Variants in HBP1 observed in about 807,000 individuals in gnomAD.
HBP1 encodes HMG-box transcription factor 1.
Under a neutral mutation model 62.6 loss-of-function variants are expected in HBP1, and 20 were observed. The observed-to-expected ratio is 0.32, with a 90% confidence interval of 0.22 to 0.46. The LOEUF is 0.46. Among genes scored for constraint, HBP1 ranks in the 20% least tolerant of loss-of-function variants. The pLI is 1.00. For synonymous variants in HBP1, 232 were observed against 206.2 expected, an observed-to-expected ratio of 1.12 and a Z score of -1.07; for missense variants, 480 against 611.8, an observed-to-expected ratio of 0.78 and a Z score of 2.27.
rs1584466951 is a variant in HBP1 at position 107,169,748 on chromosome 7, T to G, written c.-16+563T>G. 8.1e-6 allele frequency: 8 copies of G among 982,406 alleles called. No individual in the cohort carries two copies. The South Asian group carries it at 1.4e-4, about 17-fold the overall frequency. 60.9% of individuals were successfully genotyped at this position (982,406 alleles called of 1,614,324 possible). ...TCGAATGAATGGGCTCCCAGGCGCC[T>G]GCGCGCTGGGGCTGAGCCGAGGGGA... On this transcript the variant is annotated intron_variant, in intron 1 of 10. Coordinates refer to ENST00000222574, the MANE Select transcript of HBP1 (RefSeq NM_012257.4).
chr7:107,194,703 A>C (rs186062170), intron 8 of HBP1, among the ~76,000 whole-genome samples: 125 of 152,276 alleles, frequency 8.2e-4, no homozygotes, highest in East Asian at 1.4e-3. Context: ...ATTTTGATGT[A>C]TTACCGGAAT....
intron 9 of HBP1, among the ~76,000 whole-genome samples, chr7:107,198,212 C>CTTT (rs549300447): frequency 6.9e-6 from 1 of 144,706 alleles, no homozygotes; most frequent in African/African-American, 2.5e-5. Context: ...GCTCAAAAAT[C>CTTT]TTTTTTTTTT....
intron 10 of HBP1, 159 bp from the exon 11 acceptor site, chr7:107,201,255 T>G: frequency 4.2e-6 from 2 of 475,462 alleles, no homozygotes; most frequent in Non-Finnish European, 7.7e-6. Context: ...TCTGGATGCT[T>G]GAGCCATCAG....
At chr7:107,169,323 C>T (rs998105395) in intron 1 of HBP1, 138 bp downstream of exon 1, 4 of 320,012 alleles carry the variant, frequency 1.2e-5, no homozygotes, top group African/African-American at 9.1e-5. Context: ...GGCAGTTAAC[C>T]GTTCGATTGG....
intron 1 of HBP1, chr7:107,170,104 G>A: frequency 1.0e-6 from 1 of 985,330 alleles, no homozygotes; most frequent in Non-Finnish European, 1.2e-6. Context: ...AGCTACAGTC[G>A]TTTTTAGAAG....
chr7:107,170,035 T>C (rs1261275022), intron 1 of HBP1: 2 of 985,352 alleles, frequency 2.0e-6, no homozygotes, highest in Non-Finnish European at 2.4e-6. Context: ...GCGTGCTGTC[T>C]AGGGTGTTTC....
chr7:107,198,212 C>CTTTT (rs549300447), intron 9 of HBP1, among the ~76,000 whole-genome samples: 2 of 144,706 alleles, frequency 1.4e-5, no homozygotes, highest in African/African-American at 2.5e-5. Flanking sequence ...GCTCAAAAAT[C>CTTTT]TTTTTTTTTT....
chr7:107,192,105 C>T (rs529230133), intron 8 of HBP1, among the ~76,000 whole-genome samples: 90 of 152,078 alleles, frequency 5.9e-4, no homozygotes, highest in African/African-American at 1.9e-3. Context: ...GCTTGTTAGG[C>T]GCACTTGGCA....
intron 1 of HBP1, among the ~76,000 whole-genome samples, chr7:107,175,430 G>A (rs1036123154): frequency 1.3e-5 from 2 of 152,136 alleles, no homozygotes; most frequent in African/African-American, 4.8e-5. Context: ...CTAGTAAGTG[G>A]CAAATCTGGT....
chr7:107,180,821 T>G (rs1797069962), intron 2 of HBP1, among the ~76,000 whole-genome samples: 1 of 152,182 alleles, frequency 6.6e-6, no homozygotes, highest in Non-Finnish European at 1.5e-5. Flanking sequence ...CTAGTATTTA[T>G]TGAGTACTGG....
At chr7:107,194,025 T>A (rs1797774166) in intron 8 of HBP1, among the ~76,000 whole-genome samples, 1 of 152,230 alleles carries the variant, frequency 6.6e-6, no homozygotes, top group African/African-American at 2.4e-5. Context: ...GAATGGCATG[T>A]ACACAAAGTA....
At chr7:107,185,249 A>G (rs1277191611) in intron 3 of HBP1, among the ~76,000 whole-genome samples, 1 of 152,200 alleles carries the variant, frequency 6.6e-6, no homozygotes, top group Non-Finnish European at 1.5e-5. Context: ...TTTGTATTAG[A>G]AAACAAGAAA....
At chr7:107,180,160 G>C in intron 2 of HBP1, 98 bp downstream of exon 2, 1 of 637,938 alleles carries the variant, frequency 1.6e-6, no homozygotes. Context: ...GCTAGAAAGG[G>C]ATATGAAGTA....
chr7:107,184,502 TTCTC>T lies in HBP1; in HGVS notation c.399-1295_399-1292del, dbSNP rs576606044. 4.6e-3 allele frequency among the ~76,000 whole-genome samples: 700 copies of T among 152,236 alleles called. 7 individuals are homozygous for T. Among genetic ancestry groups the T allele is most frequent in the African/African-American group, 0.016 (683 of 41,554 alleles). On this transcript the variant is annotated intron_variant, in intron 3 of 10. Transcript: ENST00000222574. Reference sequence around the variant, plus strand: ...AAGGGAAAAATTGGAAAGATGTCCTTTCTCTCTTTTTTGTTTTTGTTTTTTTGAG... The same window carrying T: ...AAGGGAAAAATTGGAAAGATGTCCTTTCTTTTTTGTTTTTGTTTTTTTGAG...
chr7:107,195,125 G>A (rs1243706811), intron 8 of HBP1, among the ~76,000 whole-genome samples: 3 of 152,102 alleles, frequency 2.0e-5, no homozygotes, highest in South Asian at 2.1e-4. Flanking sequence ...TGGTTCAAGC[G>A]ATTCTCCTGC....
rs540452119 is a variant in HBP1, at chr7:107,200,076, A to G, written c.1386-84A>G. The G allele has an allele frequency of 4.5e-4, 504 of 1,125,808 alleles. 4 individuals are homozygous for G. In the African/African-American group the frequency reaches 7.4e-3, roughly 16 times the overall value. 69.7% of individuals were successfully genotyped at this position (1,125,808 alleles called of 1,614,324 possible). ...AGATTTTCATCTTTTTTAACTTCACATTTTTCTCCTGAAGTAGCAGCACTT... is the reference window on the plus strand; with the variant it reads ...AGATTTTCATCTTTTTTAACTTCACGTTTTTCTCCTGAAGTAGCAGCACTT... On this transcript the variant is annotated intron_variant, in intron 9 of 10. Transcript: ENST00000222574.
At position 107,182,495 on chromosome 7, in the gene HBP1, A is replaced by T; in HGVS notation, c.292A>T (p.Ile98Leu). 1 of 1,613,046 alleles carries T rather than the reference A, an allele frequency of 6.2e-7. No homozygotes were observed. The highest frequency in any genetic ancestry group is 8.5e-7 in the Non-Finnish European group (1 of 1,178,986). Residue 98 changes from isoleucine to leucine, a missense_variant, in exon 3 of 11, where the codon ATA becomes TTA. Physicochemically the swap from Ile to Leu is conservative, Grantham distance 5. This residue lies in a region of HBP1 where 304 missense variants were observed against 330.9 expected (regional missense o/e 0.92). Transcript: ENST00000222574. ...RSSWNQNTSD[I>L]PETTYRENEV... ...ATCTTGGAACCAAAATACCTCAGAC[A>T]TACCAGAAACTACTTACCGTGAAAA...
chr7:107,186,147 C>CTTTTTTTTTTTTTTTTTTTTTTTTTTT (rs961142033), intron 4 of HBP1, among the ~76,000 whole-genome samples: 2 of 135,116 alleles, frequency 1.5e-5, no homozygotes, highest in African/African-American at 5.6e-5. Flanking sequence ...TTGTGTGTGT[C>CTTTTTTTTTTTTTTTTTTTTTTTTTTT]TTTTTTTTCT....
intron 1 of HBP1, among the ~76,000 whole-genome samples, chr7:107,178,907 G>A (rs902166419): frequency 3.9e-5 from 6 of 152,088 alleles, no homozygotes; most frequent in African/African-American, 7.2e-5. Flanking sequence ...GGTGGCACGC[G>A]CCTGTAATCC....
Sources: allele counts gnomAD v4.1 joint callset (sites outside exome capture counted in the v4.1 genomes callset), GRCh38; gene constraint gnomAD v4.1.1; regional missense constraint gnomAD v4.1.1; transcripts MANE v1.5; gene names NCBI Gene and HGNC (gene_info 2026-07-23, HGNC 2026-07-21).